SEMA3E: variants seen among roughly 807,000 people sequenced by gnomAD.
The protein encoded by SEMA3E is semaphorin 3E.
In SEMA3E, 49 loss-of-function variants were observed where a neutral mutation model predicts 93.6. The ratio of observed to expected loss-of-function variants is 0.52; its 90% CI spans 0.42 to 0.66. The LOEUF (loss-of-function observed/expected upper bound fraction) is 0.66. SEMA3E is among the 30% of genes least tolerant of loss of function. The pLI is 0.00. For missense variants in SEMA3E, 906 were observed against 964.8 expected, an observed-to-expected ratio of 0.94 and a Z score of 0.81; for synonymous variants, 363 against 330.7, an observed-to-expected ratio of 1.10 and a Z score of -1.06.
intron 1 of SEMA3E, among the ~76,000 whole-genome samples, chr7:83,496,765 A>T (rs1285630264): frequency 1.3e-5 from 2 of 152,056 alleles, no homozygotes; most frequent in Non-Finnish European, 2.9e-5. Flanking sequence ...TGGACTTGGC[A>T]TATTTACCAA....
intron 14 of SEMA3E, among the ~76,000 whole-genome samples, chr7:83,388,819 T>TTTTTC (rs1787936302): frequency 6.6e-6 from 1 of 151,398 alleles, no homozygotes; most frequent in Non-Finnish European, 1.5e-5. Context: ...TTTTTTTTTT[T>TTTTTC]TTTCATTCTA....
chr7:83,619,884 A>T (rs1186631368), intron 1 of SEMA3E, among the ~76,000 whole-genome samples: 1 of 144,522 alleles, frequency 6.9e-6, no homozygotes, highest in East Asian at 2.1e-4. Context: ...AGATAGATAG[A>T]TGATAGATAG....
chr7:83,541,424 T>G (rs1315726688), intron 1 of SEMA3E, among the ~76,000 whole-genome samples: 1 of 152,062 alleles, frequency 6.6e-6, no homozygotes, highest in Non-Finnish European at 1.5e-5. Context: ...GCCACAATAC[T>G]GAGAAATTGG....
intron 4 of SEMA3E, among the ~76,000 whole-genome samples, chr7:83,421,296 A>G (rs1034108286): frequency 1.4e-5 from 2 of 141,952 alleles, no homozygotes; most frequent in African/African-American, 2.5e-5. Context: ...ATTATGTACA[A>G]TATTTCAATT....
At chr7:83,609,156 T>C (rs181830142) in intron 1 of SEMA3E, among the ~76,000 whole-genome samples, 6 of 152,168 alleles carry the variant, frequency 3.9e-5, no homozygotes, top group Middle Eastern at 3.4e-3. Flanking sequence ...TCATATAGCA[T>C]AACCATGAAG....
At chr7:83,434,763 G>T (rs1788968167) in intron 4 of SEMA3E, among the ~76,000 whole-genome samples, 1 of 144,972 alleles carries the variant, frequency 6.9e-6, no homozygotes, top group South Asian at 2.2e-4. Context: ...GCCCAGGCTG[G>T]AGTGCAGTGG....
chr7:83,500,896 C>T (rs1049709621), intron 1 of SEMA3E, among the ~76,000 whole-genome samples: 2 of 152,042 alleles, frequency 1.3e-5, no homozygotes, highest in East Asian at 3.9e-4. Context: ...CGGCCTCTTC[C>T]TTTCAAAATA....
intron 4 of SEMA3E, among the ~76,000 whole-genome samples, chr7:83,423,926 C>A (rs1429613639): frequency 6.6e-6 from 1 of 152,026 alleles, no homozygotes; most frequent in Non-Finnish European, 1.5e-5. Flanking sequence ...ACTCCAATAA[C>A]CTGTGGAAAA....
intron 7 of SEMA3E, among the ~76,000 whole-genome samples, chr7:83,406,574 G>C (rs994985185): frequency 2.9e-5 from 3 of 104,614 alleles, no homozygotes; most frequent in African/African-American, 7.8e-5. Context: ...ATTTATTTTC[G>C]AACATCTTCT....
intron 1 of SEMA3E, among the ~76,000 whole-genome samples, chr7:83,618,393 A>C (rs1214514797): frequency 6.6e-6 from 1 of 152,020 alleles, no homozygotes; most frequent in Non-Finnish European, 1.5e-5. Flanking sequence ...GTGACAAGTA[A>C]GTTTTTTTAT....
intron 1 of SEMA3E, among the ~76,000 whole-genome samples, chr7:83,623,245 C>T (rs939531768): frequency 6.6e-6 from 1 of 151,868 alleles, no homozygotes; most frequent in Non-Finnish European, 1.5e-5. Flanking sequence ...GAAAATAAAA[C>T]TAGAAACAAC....
chr7:83,507,868 T>A (rs188175858), intron 1 of SEMA3E, among the ~76,000 whole-genome samples: 1 of 151,952 alleles, frequency 6.6e-6, no homozygotes, highest in Non-Finnish European at 1.5e-5. Flanking sequence ...GGAGGATAGT[T>A]TAAACCTGCA....
intron 1 of SEMA3E, among the ~76,000 whole-genome samples, chr7:83,545,568 A>AAGAG (rs1554336836): frequency 5.4e-5 from 8 of 147,932 alleles, no homozygotes; most frequent in East Asian, 2.0e-4. Context: ...AAAAAAAAAA[A>AAGAG]AGAAATAGTG....
intron 1 of SEMA3E, chr7:83,641,335 T>C: frequency 2.0e-6 from 2 of 976,930 alleles, no homozygotes; most frequent in Non-Finnish European, 2.4e-6. Flanking sequence ...ATCTTACCTG[T>C]TCATCTAAGG....
intron 11 of SEMA3E, among the ~76,000 whole-genome samples, chr7:83,399,459 A>G (rs1330821691): frequency 6.6e-6 from 1 of 152,196 alleles, no homozygotes; most frequent in Non-Finnish European, 1.5e-5. Flanking sequence ...GTGAACTCAT[A>G]AGAATTGCTG....
intron 1 of SEMA3E, among the ~76,000 whole-genome samples, chr7:83,546,032 AT>A (rs1791644005): frequency 6.8e-6 from 1 of 146,844 alleles, no homozygotes; most frequent in Non-Finnish European, 1.5e-5. Context: ...ATATTTTTAT[AT>A]TTTATATATA....
At chr7:83,499,036 A>G (rs1261979140) in intron 1 of SEMA3E, among the ~76,000 whole-genome samples, 2 of 150,362 alleles carry the variant, frequency 1.3e-5, no homozygotes, top group East Asian at 1.9e-4. Context: ...CTTTTTCTTT[A>G]CCTTTCTTTT....
chr7:83,366,491 A>AT lies in SEMA3E; in HGVS notation c.*1094dup, dbSNP rs954522362. On this transcript the variant is annotated 3_prime_UTR_variant, in exon 17 of 17. Coordinates refer to ENST00000643230, the MANE Select transcript of SEMA3E (RefSeq NM_012431.3). ...ATATTTGAGAGCAAATCACTTTAATATTTTTTTCACAAATAAAACACGGTT... is the reference window on the plus strand; with the variant it reads ...ATATTTGAGAGCAAATCACTTTAATATTTTTTTTCACAAATAAAACACGGTT... The AT allele has an allele frequency of 2.0e-5, 3 of 151,810 alleles. No individual in the cohort carries two copies. The highest frequency in any genetic ancestry group is 2.1e-4 in the South Asian group (1 of 4,822). 9.4% of individuals were successfully genotyped at this position (151,810 alleles called of 1,614,324 possible).
Position 83,389,448 on chromosome 7 carries a change from C to T in SEMA3E, c.1668-2398G>A, listed in dbSNP as rs1044810853. On this transcript the variant is annotated intron_variant, in intron 14 of 16. Transcript: ENST00000643230. ...TCAAATAATTCTAGATAAGCAATGT[C>T]AAGAACTGAGTGCAAAAATATCGCT... Among the ~76,000 whole-genome samples, 7 of 126,226 alleles carry T rather than the reference C, an allele frequency of 5.5e-5. 1 individual carries two copies. The highest frequency in any genetic ancestry group is 1.8e-4 in the African/African-American group (7 of 39,406). 82.8% of individuals were successfully genotyped at this position (126,226 alleles called of 152,430 possible).
Sources: allele counts gnomAD v4.1 joint callset (sites outside exome capture counted in the v4.1 genomes callset), GRCh38; gene constraint gnomAD v4.1.1; transcripts MANE v1.5; gene names NCBI Gene and HGNC (gene_info 2026-07-23, HGNC 2026-07-21).